SRGAP2: variants seen among roughly 807,000 people sequenced by gnomAD.
SRGAP2 encodes SLIT-ROBO Rho GTPase activating protein 2, also known as SLIT-ROBO Rho GTPase-activating protein 2.
A neutral mutation model predicts 57.2 loss-of-function variants in SRGAP2; 15 were observed. The observed-to-expected ratio is 0.26, with a 90% CI of 0.18 to 0.40. SRGAP2 has a LOEUF of 0.40. SRGAP2 is among the 10% of genes least tolerant of loss of function. The pLI is 1.00. For missense variants in SRGAP2, 520 were observed against 669.6 expected (o/e 0.78, Z 2.47); for synonymous variants, 249 against 248.0 (o/e 1.00, Z -0.04).
At chr1:206,240,116 A>G (rs1399518679) in intron 2 of SRGAP2, among the ~76,000 whole-genome samples, 3 of 152,078 alleles carry the variant, frequency 2.0e-5, no homozygotes, top group Non-Finnish European at 4.4e-5. Context: ...ATACAAAAAA[A>G]TTAGCTGGGC....
intron 3 of SRGAP2, among the ~76,000 whole-genome samples, chr1:206,340,107 A>G (rs1675070655): frequency 1.3e-5 from 2 of 151,942 alleles, no homozygotes; most frequent in Non-Finnish European, 2.9e-5. Context: ...AAAACTTATT[A>G]GCATTAAGTG....
rs12568232 is a variant in SRGAP2 at position 206,410,502 on chromosome 1, G to A, written c.1356+3928G>A. On this transcript the variant is annotated intron_variant, in intron 10 of 22. Transcript: ENST00000573034. ...CTCCTATTTCCCCTCCCCTCTGCTG[G>A]TGATTGAAACCAGTTTCTTCTGTGT... Among the ~76,000 whole-genome samples the A allele has an allele frequency of 0.013, 1,951 of 152,196 alleles. 101 individuals carry two copies. The East Asian group carries it at 0.16, about 12-fold the overall frequency.
At chr1:206,460,551 C>T (rs1664175234) in intron 22 of SRGAP2, among the ~76,000 whole-genome samples, 1 of 152,168 alleles carries the variant, frequency 6.6e-6, no homozygotes, top group Non-Finnish European at 1.5e-5. Context: ...GACTAACCCT[C>T]TTCACCTTTG....
chr1:206,410,630 G>T (rs1659134184), intron 10 of SRGAP2, among the ~76,000 whole-genome samples: 1 of 152,158 alleles, frequency 6.6e-6, no homozygotes, highest in Non-Finnish European at 1.5e-5. Context: ...AATGGAAGTA[G>T]ATATAGAAGT....
chr1:206,253,418 A>G (rs1187546417), intron 2 of SRGAP2, among the ~76,000 whole-genome samples: 1 of 150,910 alleles, frequency 6.6e-6, no homozygotes, highest in Non-Finnish European at 1.5e-5. Context: ...GCCTTCTGCC[A>G]TGGGATGATG....
intron 2 of SRGAP2, among the ~76,000 whole-genome samples, chr1:206,262,244 A>C (rs1669599583): frequency 6.8e-6 from 1 of 148,030 alleles, no homozygotes; most frequent in Non-Finnish European, 1.5e-5. Flanking sequence ...ATAACCTCCG[A>C]TTTATAATTA....
intron 2 of SRGAP2, among the ~76,000 whole-genome samples, chr1:206,212,627 TA>T (rs1440351642): frequency 6.3e-4 from 19 of 30,184 alleles, no homozygotes; most frequent in African/African-American, 2.4e-3. Flanking sequence ...TGACATTTAA[TA>T]AATTGCACAT....
intron 19 of SRGAP2, among the ~76,000 whole-genome samples, chr1:206,450,766 A>G (rs985998415): frequency 3.9e-5 from 6 of 152,174 alleles, no homozygotes; most frequent in Non-Finnish European, 8.8e-5. Context: ...CCCTTATCAT[A>G]GCCTAGACTC....
At chr1:206,354,137 G>A (rs1676254451) in intron 4 of SRGAP2, among the ~76,000 whole-genome samples, 1 of 152,040 alleles carries the variant, frequency 6.6e-6, no homozygotes, top group South Asian at 2.1e-4. Flanking sequence ...TTATCTGTGG[G>A]TCTGTTTATT....
At chr1:206,416,544 T>C (rs1659714917) in intron 11 of SRGAP2, among the ~76,000 whole-genome samples, 1 of 152,224 alleles carries the variant, frequency 6.6e-6, no homozygotes, top group South Asian at 2.1e-4. Context: ...CTGAATGGAC[T>C]GTCTTGTCTC....
At chr1:206,458,523 C>T (rs1664016961) in intron 21 of SRGAP2, 100 bp from the exon 22 acceptor site, 9 of 693,736 alleles carry the variant, frequency 1.3e-5, no homozygotes, top group Non-Finnish European at 1.9e-5. Context: ...CCTCTCCTTC[C>T]GAAGTCCCTG....
At position 206,453,228 on chromosome 1, in the gene SRGAP2, G is replaced by A; in HGVS notation, c.2208G>A (p.Lys736=). 1 of 611,822 alleles carries A rather than the reference G, an allele frequency of 1.6e-6. No individual in the cohort carries two copies. The highest frequency in any genetic ancestry group is 3.1e-6 in the Non-Finnish European group (1 of 324,888). The allele number at this position is 611,822 out of a possible 1,614,324, so 37.9% of individuals were successfully genotyped here. The stretch of plus-strand genomic sequence containing the variant: ...GTGAGCCCATCGAGGCCATTGCCAA[G>A]TTTGACTACGTGGGCCGGACAGCCC... The part of the protein sequence containing the change: ...DECEPIEAIA[K]FDYVGRTARE... Residue 736 remains lysine, a synonymous_variant, in exon 20 of 23, where the codon AAG becomes AAA. Coordinates refer to ENST00000573034, the MANE Select transcript of SRGAP2 (RefSeq NM_015326.5).
At chr1:206,360,209 G>A (rs1162071387) in intron 4 of SRGAP2, among the ~76,000 whole-genome samples, 30 of 150,460 alleles carry the variant, frequency 2.0e-4, no homozygotes, top group Admixed American at 1.9e-3. Flanking sequence ...TTAGCTCTTT[G>A]AGGAAGGTAT....
intron 17 of SRGAP2, among the ~76,000 whole-genome samples, chr1:206,440,322 T>C (rs1283973014): frequency 4.6e-5 from 7 of 151,958 alleles, no homozygotes; most frequent in Admixed American, 3.9e-4. Context: ...GTAGAATAAG[T>C]GCTTAGAAGA....
chr1:206,248,176 T>C (rs1204885619), intron 2 of SRGAP2, among the ~76,000 whole-genome samples: 2 of 151,632 alleles, frequency 1.3e-5, no homozygotes. Flanking sequence ...ATTTTATTCC[T>C]TGCTTATTAT....
intron 2 of SRGAP2, among the ~76,000 whole-genome samples, chr1:206,257,337 ATT>A (rs1163899818): frequency 9.4e-5 from 7 of 74,508 alleles, no homozygotes; most frequent in Non-Finnish European, 1.3e-4. Context: ...ACACACTGCT[ATT>A]TTTTTTTTTT....
chr1:206,351,002 C>T (rs1676001343), intron 4 of SRGAP2, among the ~76,000 whole-genome samples: 1 of 151,766 alleles, frequency 6.6e-6, no homozygotes, highest in African/African-American at 2.4e-5. Context: ...GGAAATGAAT[C>T]TGGTAGTTAA....
chr1:206,410,673 G>A (rs965256094), intron 10 of SRGAP2, among the ~76,000 whole-genome samples: 1 of 152,086 alleles, frequency 6.6e-6, no homozygotes, highest in African/African-American at 2.4e-5. Context: ...CTTTTTTAAC[G>A]TTCTTTATCT....
intron 4 of SRGAP2, among the ~76,000 whole-genome samples, chr1:206,378,279 A>G (rs1385689786): frequency 2.0e-5 from 3 of 152,078 alleles, no homozygotes; most frequent in Non-Finnish European, 4.4e-5. Context: ...CAGGAGTTTG[A>G]GACCAGCCTG....
Sources: allele counts gnomAD v4.1 joint callset (sites outside exome capture counted in the v4.1 genomes callset), GRCh38; gene constraint gnomAD v4.1.1; transcripts MANE v1.5; gene names NCBI Gene and HGNC (gene_info 2026-07-23, HGNC 2026-07-21).